Variants in TRPM1 observed in about 807,000 individuals in gnomAD.
The protein encoded by TRPM1 is TRPM1-203 APA Isoform, Intron 10.
A neutral mutation model predicts 149.4 loss-of-function variants in TRPM1; 113 were observed. The observed-to-expected ratio is 0.76, with a 90% CI of 0.65 to 0.88. The LOEUF is 0.88. Ranked by LOEUF, TRPM1 falls within the 40% of genes least tolerant of loss-of-function variation. The probability of loss-of-function intolerance (pLI) is 0.00; values close to 1 mark genes in which losing one functional copy is unlikely to be tolerated. For synonymous variants in TRPM1, 741 were observed against 759.5 expected (o/e 0.98, Z 0.40); for missense variants, 1,976 against 2,038.7 (o/e 0.97, Z 0.59).
At chr15:31,115,112 G>C (rs1364259167) in intron 1 of TRPM1, among the ~76,000 whole-genome samples, 1 of 152,058 alleles carries the variant, frequency 6.6e-6, no homozygotes, top group Non-Finnish European at 1.5e-5. Context: ...AAAAACATTA[G>C]TCGAGCATGG....
At position 31,002,358 on chromosome 15, in the gene TRPM1, C is replaced by T. The variant is rs751459846; in HGVS notation, c.4342G>A (p.Asp1448Asn). The T allele has an allele frequency of 1.2e-5, 20 of 1,614,068 alleles. No homozygotes were observed. Among genetic ancestry groups the T allele is most frequent in the African/African-American group, 6.7e-5 (5 of 74,912 alleles). Reference sequence around the variant, plus strand: ...GTTTTACAAGCATTGATCGTTTCATCGGGGAAATAGCGTGTAATTTTGGTT... The same window carrying T: ...GTTTTACAAGCATTGATCGTTTCATTGGGGAAATAGCGTGTAATTTTGGTT... Reference protein sequence around the residue: ...EETKITRYFPDETINACKTMK... With the variant: ...EETKITRYFPNETINACKTMK... Residue 1448 changes from aspartate to asparagine, a missense_variant, in exon 28 of 28, where the codon GAT becomes AAT. Coordinates refer to ENST00000256552, the MANE Select transcript of TRPM1 (RefSeq NM_001252024.2).
chr15:31,023,405 G>A (rs1377351530), intron 27 of TRPM1, among the ~76,000 whole-genome samples: 4 of 152,258 alleles, frequency 2.6e-5, no homozygotes, highest in Non-Finnish European at 2.9e-5. Flanking sequence ...AGGACAGTGG[G>A]GGCCACAGAG....
At chr15:31,119,203 C>T (rs1567066197) in intron 1 of TRPM1, among the ~76,000 whole-genome samples, 1 of 151,622 alleles carries the variant, frequency 6.6e-6, no homozygotes, top group African/African-American at 2.4e-5. Flanking sequence ...ATCGCACCAT[C>T]GCACTCCAGC....
rs1311288242 is a variant in TRPM1 at position 31,138,536 on chromosome 15, T to G, written c.54+22370A>C. ...TCAAGGGCTGTGTCGCGAAGTCAGTTGTCTAATTAACAAACAGGTTTTTTG... is the reference window on the plus strand; with the variant it reads ...TCAAGGGCTGTGTCGCGAAGTCAGTGGTCTAATTAACAAACAGGTTTTTTG... On this transcript the variant is annotated intron_variant, in intron 1 of 26. Coordinates refer to the TRPM1 transcript ENST00000542188. 4.0e-5 allele frequency among the ~76,000 whole-genome samples: 6 copies of G among 149,024 alleles called. No individual in the cohort carries two copies. In the South Asian group the frequency reaches 1.1e-3, roughly 26 times the overall value.
chr15:31,107,780 G>C (rs1395063734), intron 1 of TRPM1, among the ~76,000 whole-genome samples: 1 of 150,852 alleles, frequency 6.6e-6, no homozygotes, highest in Non-Finnish European at 1.5e-5. Context: ...AACTTTTCTT[G>C]TGACTTTTTT....
At chr15:31,028,739 G>A (rs1485816912) in intron 24 of TRPM1, among the ~76,000 whole-genome samples, 1 of 151,438 alleles carries the variant, frequency 6.6e-6, no homozygotes, top group African/African-American at 2.4e-5. Flanking sequence ...GTGACTGAGC[G>A]AGACTCCCAG....
At chr15:31,113,174 A>G (rs1420321802) in intron 1 of TRPM1, among the ~76,000 whole-genome samples, 2 of 151,984 alleles carry the variant, frequency 1.3e-5, no homozygotes, top group African/African-American at 4.8e-5. Flanking sequence ...AAAACTCACC[A>G]CGGCCCACCT....
rs537477409 is a variant in TRPM1, at chr15:31,100,156, T to C, written c.-84+1501A>G. Among the ~76,000 whole-genome samples, 25 of 151,838 alleles carry C rather than the reference T, an allele frequency of 1.6e-4. No homozygotes were observed. In the South Asian group the frequency reaches 2.9e-3, roughly 18 times the overall value. ...GTGCAGTGGCGCAGTCTCGGCTCACTGCAACCTCCACCTCCTGGGTTCAAC... is the reference window on the plus strand; with the variant it reads ...GTGCAGTGGCGCAGTCTCGGCTCACCGCAACCTCCACCTCCTGGGTTCAAC... On this transcript the variant is annotated intron_variant, in intron 1 of 27. Transcript: ENST00000256552.
intron 1 of TRPM1, among the ~76,000 whole-genome samples, chr15:31,107,936 C>T (rs2035631029): frequency 6.6e-6 from 1 of 151,818 alleles, no homozygotes; most frequent in African/African-American, 2.4e-5. Flanking sequence ...CAGCTCACTG[C>T]AACCTCTGCC....
intron 2 of TRPM1, among the ~76,000 whole-genome samples, chr15:31,079,237 C>G (rs1267788160): frequency 6.6e-6 from 1 of 151,842 alleles, no homozygotes; most frequent in African/African-American, 2.4e-5. Context: ...TGCCCCAAAA[C>G]TTAGTGGCTT....
intron 7 of TRPM1, 26 bp from the exon 8 acceptor site, chr15:31,063,318 T>C (rs1471695753): frequency 6.2e-7 from 1 of 1,614,016 alleles, no homozygotes; most frequent in South Asian, 1.1e-5. Flanking sequence ...CATTCGCCCA[T>C]ACCACCTGTG....
intron 1 of TRPM1, among the ~76,000 whole-genome samples, chr15:31,123,459 T>A (rs1185123246): frequency 6.6e-6 from 1 of 152,178 alleles, no homozygotes; most frequent in Non-Finnish European, 1.5e-5. Flanking sequence ...AAAATATATG[T>A]TGAACTCCTA....
intron 4 of TRPM1, chr15:31,069,600 C>T: frequency 7.8e-7 from 1 of 1,275,924 alleles, no homozygotes; most frequent in Non-Finnish European, 9.8e-7. Context: ...GACCTTGGTC[C>T]TTCTCGGGCC....
intron 11 of TRPM1, 154 bp downstream of exon 11, chr15:31,060,390 A>G (rs1263332354): frequency 1.4e-6 from 1 of 705,370 alleles, no homozygotes; most frequent in Non-Finnish European, 2.5e-6. Context: ...GAAGTTAAAC[A>G]GTGACATCTT....
At chr15:31,060,970 C>A (rs531514751) in intron 10 of TRPM1, among the ~76,000 whole-genome samples, 5 of 152,276 alleles carry the variant, frequency 3.3e-5, no homozygotes, top group African/African-American at 9.6e-5. Context: ...CTGACAGTGA[C>A]CCTTCCCCTC....
At chr15:31,121,599 CACAATCTTTCAAAACTCAT>C (rs2035881577) in intron 1 of TRPM1, among the ~76,000 whole-genome samples, 1 of 152,254 alleles carries the variant, frequency 6.6e-6, no homozygotes, top group African/African-American at 2.4e-5. Context: ...CCTTGAAACA[CACAATCTTTCAAAACTCAT>C]ACAATGAGAA....
Position 31,057,171 on chromosome 15 carries a change from G to A in TRPM1, c.1263+3373C>T, listed in dbSNP as rs538924355. Among the ~76,000 whole-genome samples, 6 of 152,160 alleles carry A rather than the reference G, an allele frequency of 3.9e-5. No individual in the cohort carries two copies. In the South Asian group the frequency reaches 1.0e-3, roughly 26 times the overall value. ...TTGAAAGATTCTTCAAGAAGAAATG[G>A]GACAGTAACAATTAAGAGAATAGAT... On this transcript the variant is annotated intron_variant, in intron 11 of 27. Coordinates refer to ENST00000256552, the MANE Select transcript of TRPM1 (RefSeq NM_001252024.2).
intron 27 of TRPM1, among the ~76,000 whole-genome samples, chr15:31,019,818 G>A (rs1407207819): frequency 2.0e-5 from 3 of 150,928 alleles, no homozygotes; most frequent in Non-Finnish European, 4.4e-5. Flanking sequence ...CAGGCCTTTC[G>A]CTGCCACACC....
At chr15:31,074,115 A>G (rs1044106576) in intron 3 of TRPM1, among the ~76,000 whole-genome samples, 9 of 152,118 alleles carry the variant, frequency 5.9e-5, no homozygotes, top group Middle Eastern at 3.4e-3. Context: ...TTTTGTTCAG[A>G]ATTTCTGCAC....
Sources: allele counts gnomAD v4.1 joint callset (sites outside exome capture counted in the v4.1 genomes callset), GRCh38; gene constraint gnomAD v4.1.1; transcripts MANE v1.5; gene names NCBI Gene and HGNC (gene_info 2026-07-23, HGNC 2026-07-21).